The following PCDH11X variants were observed in gnomAD, a reference collection of about 807,000 sequenced individuals.
The protein encoded by PCDH11X is protocadherin 11 X-linked.
A neutral mutation model predicts 53.3 loss-of-function variants in PCDH11X; 18 were observed. The ratio of observed to expected loss-of-function variants is 0.34; its 90% CI spans 0.23 to 0.50. The LOEUF (loss-of-function observed/expected upper bound fraction) is 0.50. Ranked by LOEUF, PCDH11X falls within the 20% of genes least tolerant of loss-of-function variation. PCDH11X has a pLI of 0.98. For synonymous variants in PCDH11X, 279 were observed against 393.3 expected (o/e 0.71, Z 3.44); for missense variants, 570 against 1,032.4 (o/e 0.55, Z 6.14).
chrX:92,285,045 A>T (rs2068333469), intron 8 of PCDH11X, among the ~76,000 whole-genome samples: 1 of 110,616 alleles, frequency 9.0e-6, no homozygotes, highest in Non-Finnish European at 1.9e-5. Flanking sequence ...AATACATGCA[A>T]TCTATACTGA....
chrX:92,254,753 A>C (rs2067531687), intron 7 of PCDH11X, among the ~76,000 whole-genome samples: 1 of 109,007 alleles, frequency 9.2e-6, no homozygotes, highest in Non-Finnish European at 1.9e-5. Flanking sequence ...TTCTTTAAGA[A>C]TGTTGAATAT....
chrX:92,039,622 C>G (rs974121431), intron 6 of PCDH11X, among the ~76,000 whole-genome samples: 1 of 112,022 alleles, frequency 8.9e-6, no homozygotes, highest in Non-Finnish European at 1.9e-5. Context: ...GTGGGCTCCC[C>G]TCTGGCCCAG....
intron 9 of PCDH11X, among the ~76,000 whole-genome samples, chrX:92,449,883 T>G (rs1249885741): frequency 9.0e-6 from 1 of 111,167 alleles, no homozygotes; most frequent in African/African-American, 3.3e-5. Context: ...ATAAAATGCA[T>G]ACAAAAAGAG....
intron 4 of PCDH11X, 199 bp from the exon 5 acceptor site, chrX:91,835,262 T>G: frequency 9.7e-7 from 1 of 1,034,099 alleles, no homozygotes; most frequent in Non-Finnish European, 1.3e-6. Flanking sequence ...GTATCTTATT[T>G]CATTTATCTT....
chrX:92,073,324 G>C (rs762898303), intron 6 of PCDH11X, among the ~76,000 whole-genome samples: 1 of 111,902 alleles, frequency 8.9e-6, no homozygotes, highest in Non-Finnish European at 1.9e-5. Context: ...ATAAAATTTG[G>C]TGTTGCAAAT....
At chrX:92,449,983 A>C (rs1265778347) in intron 9 of PCDH11X, among the ~76,000 whole-genome samples, 1 of 111,487 alleles carries the variant, frequency 9.0e-6, no homozygotes, top group East Asian at 2.8e-4. Context: ...ATAATTTAAA[A>C]AATCAATATT....
intron 6 of PCDH11X, among the ~76,000 whole-genome samples, chrX:92,174,950 G>A (rs760005917): frequency 1.8e-5 from 2 of 111,481 alleles, no homozygotes; most frequent in Admixed American, 9.6e-5. Flanking sequence ...AAGAAGCTTA[G>A]TTCCAGCATA....
intron 8 of PCDH11X, among the ~76,000 whole-genome samples, chrX:92,366,064 G>A (rs960852143): frequency 3.6e-5 from 4 of 109,794 alleles, no homozygotes; most frequent in African/African-American, 6.6e-5. Context: ...AATGGTAGTG[G>A]TTCCTTTTTG....
chrX:92,063,062 A>T (rs1018129343), intron 6 of PCDH11X, among the ~76,000 whole-genome samples: 1 of 110,352 alleles, frequency 9.1e-6, no homozygotes, highest in East Asian at 2.9e-4. Context: ...TGAAGCTGGA[A>T]ACCATCATTC....
At position 92,618,739 on chromosome X, in the gene PCDH11X, T is replaced by C. The variant is rs767737602; in HGVS notation, c.3843T>C (p.Gly1281=). Residue 1281 remains glycine (G), a synonymous_variant, in exon 11 of 11, where the codon GGT becomes GGC. Coordinates refer to ENST00000682573, the MANE Select transcript of PCDH11X (RefSeq NM_032968.5). The part of the protein sequence containing the change: ...QAQSSVSLQQ[G]WVQGADGLCS... ...AATCATCAGTCAGTTTGCAGCAAGGTTGGGTGCAAGGTGCTGATGGGCTAT... is the reference window on the plus strand; with the variant it reads ...AATCATCAGTCAGTTTGCAGCAAGGCTGGGTGCAAGGTGCTGATGGGCTAT... The C allele has an allele frequency of 3.3e-6, 4 of 1,210,319 alleles. No homozygotes were observed. The highest frequency in any genetic ancestry group is 5.9e-5 in the East Asian group (2 of 33,763).
chrX:92,064,939 T>A (rs1326575134), intron 6 of PCDH11X, among the ~76,000 whole-genome samples: 1 of 104,055 alleles, frequency 9.6e-6, no homozygotes, highest in East Asian at 3.1e-4. Context: ...TCAGGGACAT[T>A]GGGGGTGCAC....
chrX:92,537,733 T>TA (rs34341230), intron 10 of PCDH11X, among the ~76,000 whole-genome samples: 20,943 of 103,178 alleles, frequency 0.2, 2,429 homozygotes, highest in Non-Finnish European at 0.31. Flanking sequence ...ACAGTGAACT[T>TA]ATTTTTGACA....
chrX:92,551,387 T>C (rs895603750), intron 10 of PCDH11X, among the ~76,000 whole-genome samples: 2 of 82,934 alleles, frequency 2.4e-5, no homozygotes, highest in African/African-American at 8.2e-5. Context: ...TTTAAATCTT[T>C]TGCCCATTTT....
chrX:92,137,370 G>A (rs1424439684), intron 6 of PCDH11X, among the ~76,000 whole-genome samples: 2 of 111,550 alleles, frequency 1.8e-5, no homozygotes, highest in Non-Finnish European at 3.8e-5. Context: ...CTGTAGCAAA[G>A]CTCAACTTCA....
chrX:92,598,029 A>C (rs1317883799), intron 10 of PCDH11X, among the ~76,000 whole-genome samples: 3 of 111,822 alleles, frequency 2.7e-5, no homozygotes, highest in Non-Finnish European at 5.6e-5. Flanking sequence ...AATTAAATCT[A>C]AATGGATTAA....
intron 8 of PCDH11X, among the ~76,000 whole-genome samples, chrX:92,351,749 A>T (rs1046013386): frequency 4.5e-5 from 5 of 111,523 alleles, no homozygotes; most frequent in African/African-American, 1.6e-4. Context: ...TCATCCCTTC[A>T]TCTGGAATCT....
intron 6 of PCDH11X, among the ~76,000 whole-genome samples, chrX:91,901,549 C>T (rs1378106810): frequency 2.7e-5 from 3 of 110,886 alleles, no homozygotes; most frequent in African/African-American, 6.6e-5. Flanking sequence ...GTATTACTCT[C>T]TTTTCTGAAT....
rs1417942315 is a variant in PCDH11X at position 92,339,088 on chromosome X, A to T, written c.3145-48647A>T. ...AAATAGACATAAAGACCAATGTAAC[A>T]GACTAGAGAACCCAGAAATAAAACC... On this transcript the variant is annotated intron_variant, in intron 8 of 10. Transcript: ENST00000682573. Among the ~76,000 whole-genome samples the T allele has an allele frequency of 4.5e-5, 5 of 111,740 alleles. No individual in the cohort carries two copies. The East Asian group carries it at 1.1e-3, about 25-fold the overall frequency.
chrX:91,964,326 C>A (rs1231101450), intron 6 of PCDH11X, among the ~76,000 whole-genome samples: 4 of 110,284 alleles, frequency 3.6e-5, no homozygotes, highest in Admixed American at 9.6e-5. Flanking sequence ...TCATATGGAA[C>A]CACCAAGGAC....
Sources: allele counts gnomAD v4.1 joint callset (sites outside exome capture counted in the v4.1 genomes callset), GRCh38; gene constraint gnomAD v4.1.1; transcripts MANE v1.5; gene names NCBI Gene and HGNC (gene_info 2026-07-23, HGNC 2026-07-21).